Variants in ANKRD30A observed in about 807,000 individuals in gnomAD.
The protein encoded by ANKRD30A is ankyrin repeat domain 30A.
A neutral mutation model predicts 166.3 loss-of-function variants in ANKRD30A; 170 were observed. The observed-to-expected ratio is 1.02, with a 90% CI of 0.90 to 1.16. The LOEUF (loss-of-function observed/expected upper bound fraction) is 1.16. Ranked by LOEUF, ANKRD30A falls within the 50% of genes most tolerant of loss-of-function variation. ANKRD30A has a pLI of 0.00. For missense variants in ANKRD30A, 1,630 were observed against 1,518.0 expected, an observed-to-expected ratio of 1.07 and a Z score of -1.23; for synonymous variants, 564 against 508.9, an observed-to-expected ratio of 1.11 and a Z score of -1.46.
Position 37,199,892 on chromosome 10 carries a change from C to A in ANKRD30A, c.2778+104C>A, listed in dbSNP as rs191137174. 1.4e-3 allele frequency: 867 copies of A among 611,894 alleles called. 7 individuals are homozygous for A. The highest frequency in any genetic ancestry group is 8.5e-4 in the Non-Finnish European group (303 of 354,664). 37.9% of individuals were successfully genotyped at this position (611,894 alleles called of 1,614,324 possible). On this transcript the variant is annotated intron_variant, in intron 30 of 35. Transcript: ENST00000361713. The stretch of plus-strand genomic sequence containing the variant: ...TTCTCACCTCTGCATATGTCACCCG[C>A]AAATTATTTTTGATATTTTTCAGAA...
intron 33 of ANKRD30A, among the ~76,000 whole-genome samples, chr10:37,218,282 C>G (rs1842705019): frequency 1.3e-5 from 2 of 150,798 alleles, no homozygotes; most frequent in South Asian, 4.1e-4. Flanking sequence ...TATCTTCTTT[C>G]TTTTGTTTTG....
intron 9 of ANKRD30A, among the ~76,000 whole-genome samples, chr10:37,148,950 A>G (rs1049698690): frequency 1.3e-5 from 2 of 151,976 alleles, no homozygotes; most frequent in Non-Finnish European, 2.9e-5. Flanking sequence ...GTGACTTTAT[A>G]ATATAAAAAG....
At chr10:37,257,276 C>G in the ANKRD30A span, among the ~76,000 whole-genome samples, 1 of 139,570 alleles carries the variant, frequency 7.2e-6, no homozygotes, top group African/African-American at 2.6e-5. Context: ...CCATTTGATT[C>G]TTCTCTCTTT....
intron 27 of ANKRD30A, among the ~76,000 whole-genome samples, chr10:37,195,847 T>C (rs1056226111): frequency 2.0e-5 from 3 of 151,196 alleles, no homozygotes; most frequent in Admixed American, 6.6e-5. Context: ...AGGCCTTTGA[T>C]GGGAAAAATT....
intron 15 of ANKRD30A, among the ~76,000 whole-genome samples, chr10:37,160,322 A>G (rs1475261494): frequency 1.3e-5 from 2 of 152,134 alleles, no homozygotes; most frequent in Admixed American, 1.3e-4. Context: ...ACGCATTACA[A>G]CTGTTACTCA....
the ANKRD30A span, among the ~76,000 whole-genome samples, chr10:37,242,307 T>C: frequency 2.6e-5 from 4 of 152,228 alleles, no homozygotes; most frequent in Non-Finnish European, 4.4e-5. Context: ...TGTGATCTTA[T>C]TGCATCCTAT....
chr10:37,200,430 G>A (rs748239483), intron 30 of ANKRD30A, among the ~76,000 whole-genome samples: 1 of 151,998 alleles, frequency 6.6e-6, no homozygotes, highest in Non-Finnish European at 1.5e-5. Flanking sequence ...AGCAGCATGA[G>A]CGTCAAATAA....
rs979578995 is a variant in ANKRD30A at position 37,160,476 on chromosome 10, G to C, written c.1900+1890G>C. On this transcript the variant is annotated intron_variant, in intron 15 of 35. Coordinates refer to ENST00000361713, the MANE Select transcript of ANKRD30A (RefSeq NM_052997.3). ...CCCCCGGTGTATTTGTTGAACTTCA[G>C]AGATGCTCAGATCAGAAGTTAGAAC... 2.6e-5 allele frequency among the ~76,000 whole-genome samples: 4 copies of C among 152,126 alleles called. No individual in the cohort carries two copies. The South Asian group carries it at 6.2e-4, about 24-fold the overall frequency.
intron 33 of ANKRD30A, 140 bp from the exon 34 acceptor site, chr10:37,218,840 G>C: frequency 1.8e-6 from 1 of 568,544 alleles, no homozygotes; most frequent in East Asian, 3.0e-5. Context: ...TTAAAGTTTT[G>C]ATTCAGTGGT....
At chr10:37,196,093 A>ATTTATTTTT (rs1554823849) in intron 27 of ANKRD30A, among the ~76,000 whole-genome samples, 6 of 129,456 alleles carry the variant, frequency 4.6e-5, no homozygotes, top group Non-Finnish European at 9.6e-5. Context: ...TATATTTTCT[A>ATTTATTTTT]TTTTTTTTTT....
chr10:37,249,562 C>T, the ANKRD30A span, among the ~76,000 whole-genome samples: 1 of 151,842 alleles, frequency 6.6e-6, no homozygotes, highest in East Asian at 1.9e-4. Context: ...GTTGTTTTAT[C>T]ACTACTGAGG....
rs17605932 is a variant in ANKRD30A at position 37,152,206 on chromosome 10, G to A, written c.1707+85G>A. On this transcript the variant is annotated intron_variant, in intron 12 of 35. Coordinates refer to ENST00000361713, the MANE Select transcript of ANKRD30A (RefSeq NM_052997.3). The stretch of plus-strand genomic sequence containing the variant: ...GCAGAGGCTTAGGCTTTATTTTCTC[G>A]CCTCTTCATATGTCACCCCGAAATT... The A allele has an allele frequency of 6.3e-4, 728 of 1,162,202 alleles. 1 individual carries two copies. The African/African-American group carries it at 6.5e-3, about 10-fold the overall frequency. The allele number at this position is 1,162,202 out of a possible 1,614,324, so 72.0% of individuals were successfully genotyped here.
intron 32 of ANKRD30A, among the ~76,000 whole-genome samples, 189 bp from the exon 33 acceptor site, chr10:37,217,506 C>T (rs1319896187): frequency 4.0e-5 from 6 of 150,632 alleles, no homozygotes; most frequent in South Asian, 2.1e-4. Context: ...GTTCTTTTCT[C>T]GCTATTTTTC....
chr10:37,219,988 AATAT>A (rs71007624), intron 34 of ANKRD30A, 91 bp downstream of exon 34: 10,301 of 187,096 alleles, frequency 0.055, 572 homozygotes, highest in Admixed American at 0.066. Flanking sequence ...AATCTAGTTG[AATAT>A]ATATATATAT....
Position 37,219,366 on chromosome 10 carries a change from T to G in ANKRD30A, c.3654T>G (p.Ser1218Arg). Residue 1218 changes from serine (S) to arginine (R), a missense_variant, in exon 34 of 36, where the codon AGT becomes AGG. Physicochemically the swap from Ser to Arg is moderately radical, Grantham distance 110. Transcript: ENST00000361713. ...DHDQIVTSRK[S>R]QEPAFHIAGD... The stretch of plus-strand genomic sequence containing the variant: ...ATCAAATTGTGACATCAAGAAAAAG[T>G]CAAGAACCTGCTTTCCACATTGCAG... 6.2e-7 allele frequency: 1 copy of G among 1,610,448 alleles called. No homozygotes were observed. The highest frequency in any genetic ancestry group is 1.1e-5 in the South Asian group (1 of 90,994).
At chr10:37,129,844 T>C (rs754702484) in intron 1 of ANKRD30A, 49 bp from the exon 2 acceptor site, 1 of 1,156,554 alleles carries the variant, frequency 8.6e-7, no homozygotes, top group Non-Finnish European at 1.2e-6. Context: ...CATTGTATGT[T>C]TTGGGACAGT....
Position 37,158,516 on chromosome 10 carries a change from T to G in ANKRD30A, c.1830T>G (p.Ala610=). The change falls in exon 15 of 36, where the codon GCT becomes GCG. Residue 610 remains alanine, a splice_region_variant and synonymous_variant. Transcript: ENST00000361713. Reference sequence around the variant, plus strand: ...GTTTTGTTTCCAAACCCATTTAGGCTACCTGCGGAATGAAAGTTTCTATTC... The same window carrying G: ...GTTTTGTTTCCAAACCCATTTAGGCGACCTGCGGAATGAAAGTTTCTATTC... ...ESPNKDGLLK[A]TCGMKVSIPT... 1 of 1,613,610 alleles carries G rather than the reference T, an allele frequency of 6.2e-7. No individual in the cohort carries two copies. Among genetic ancestry groups the G allele is most frequent in the Non-Finnish European group, 8.5e-7 (1 of 1,179,732 alleles).
intron 4 of ANKRD30A, among the ~76,000 whole-genome samples, 162 bp from the exon 5 acceptor site, chr10:37,133,754 T>C (rs1836511572): frequency 6.6e-6 from 1 of 152,228 alleles, no homozygotes; most frequent in African/African-American, 2.4e-5. Flanking sequence ...TGAATCTTTT[T>C]GCTCCTTCCT....
downstream of ANKRD30A, among the ~76,000 whole-genome samples, chr10:37,237,277 C>T (rs932785998): frequency 1.3e-5 from 2 of 152,130 alleles, no homozygotes; most frequent in Admixed American, 1.3e-4. Context: ...TTTGTGTTGC[C>T]TCTTTTGTAA....
Sources: allele counts gnomAD v4.1 joint callset (sites outside exome capture counted in the v4.1 genomes callset), GRCh38; gene constraint gnomAD v4.1.1; transcripts MANE v1.5; gene names NCBI Gene and HGNC (gene_info 2026-07-23, HGNC 2026-07-21).